The following TAOK3 variants were observed in gnomAD, a reference collection of about 807,000 sequenced individuals.
TAOK3 encodes the protein TAO kinase 3.
In TAOK3, 40 loss-of-function variants were observed where a neutral mutation model predicts 120.4. The observed-to-expected ratio is 0.33, with a 90% CI of 0.26 to 0.43. The LOEUF (loss-of-function observed/expected upper bound fraction) is 0.43, where lower values mean the gene tolerates loss of function less well. Ranked by LOEUF, TAOK3 falls within the 20% of genes least tolerant of loss-of-function variation. The probability of loss-of-function intolerance (pLI) is 1.00; values close to 1 mark genes in which losing one functional copy is unlikely to be tolerated. For missense variants in TAOK3, 821 were observed against 1,112.1 expected (o/e 0.74, Z 3.72); for synonymous variants, 355 against 387.5 (o/e 0.92, Z 0.99).
chr12:118,318,618 T>C (rs981072015), intron 1 of TAOK3, among the ~76,000 whole-genome samples: 1 of 152,052 alleles, frequency 6.6e-6, no homozygotes, highest in Non-Finnish European at 1.5e-5. Flanking sequence ...GGAACCCTTG[T>C]ACACTGTTAG....
chr12:118,201,481 A>C lies in TAOK3; in HGVS notation c.820-18T>G. On this transcript the variant is annotated intron_variant, in intron 11 of 20. Transcript: ENST00000392533. ...AAGTCATGCTGATTGAGGGAGGAGG[A>C]AAAAATAAACTGATAATGAAGAAAT... 6.3e-7 allele frequency: 1 copy of C among 1,593,182 alleles called. No individual in the cohort carries two copies. Among genetic ancestry groups the C allele is most frequent in the South Asian group, 1.1e-5 (1 of 87,994 alleles).
At chr12:118,159,237 G>C (rs545935200) in intron 19 of TAOK3, among the ~76,000 whole-genome samples, 6 of 152,024 alleles carry the variant, frequency 3.9e-5, no homozygotes, top group African/African-American at 1.2e-4. Flanking sequence ...CCTCTAGGAA[G>C]ATTTCCCTAG....
intron 1 of TAOK3, among the ~76,000 whole-genome samples, chr12:118,339,594 C>T (rs1416548212): frequency 6.8e-6 from 1 of 146,586 alleles, no homozygotes; most frequent in African/African-American, 2.5e-5. Flanking sequence ...GAGACGGGGT[C>T]TTACTCTGTC....
intron 13 of TAOK3, among the ~76,000 whole-genome samples, chr12:118,194,846 T>G (rs2037627835): frequency 6.6e-6 from 1 of 152,062 alleles, no homozygotes; most frequent in African/African-American, 2.4e-5. Context: ...CTCCCCAGGT[T>G]TAAGCAATTC....
chr12:118,176,163 C>T (rs1226462457), intron 16 of TAOK3, among the ~76,000 whole-genome samples: 2 of 152,006 alleles, frequency 1.3e-5, no homozygotes, highest in Non-Finnish European at 2.9e-5. Context: ...CCGCATTGCA[C>T]AAGGAGGAGA....
At chr12:118,244,098 AG>A (rs1364803370) in intron 4 of TAOK3, among the ~76,000 whole-genome samples, 2 of 152,182 alleles carry the variant, frequency 1.3e-5, no homozygotes, top group African/African-American at 4.8e-5. Flanking sequence ...TTTCCTTTTC[AG>A]GCACCCAGGC....
chr12:118,274,162 G>A (rs1467806882), intron 1 of TAOK3, among the ~76,000 whole-genome samples: 4 of 151,932 alleles, frequency 2.6e-5, no homozygotes, highest in African/African-American at 7.3e-5. Flanking sequence ...AGCAAATTTT[G>A]TTGTAATTGC....
chr12:118,358,182 ATC>A (rs774441824), intron 1 of TAOK3, among the ~76,000 whole-genome samples: 1 of 152,242 alleles, frequency 6.6e-6, no homozygotes, highest in African/African-American at 2.4e-5. Context: ...AAAAAAAAGT[ATC>A]TGTTTTCCTA....
chr12:118,355,800 G>A (rs1039819963), intron 1 of TAOK3, among the ~76,000 whole-genome samples: 2 of 152,138 alleles, frequency 1.3e-5, no homozygotes, highest in African/African-American at 4.8e-5. Flanking sequence ...CCAAAATTAT[G>A]CTTTTCATAC....
chr12:118,214,450 A>T (rs2038781885), intron 9 of TAOK3, among the ~76,000 whole-genome samples: 1 of 152,186 alleles, frequency 6.6e-6, no homozygotes, highest in South Asian at 2.1e-4. Context: ...TTAGCTCAAA[A>T]ATATATATTC....
chr12:118,343,441 AAAAG>A (rs1426357352), intron 1 of TAOK3, among the ~76,000 whole-genome samples: 1 of 151,630 alleles, frequency 6.6e-6, no homozygotes, highest in Non-Finnish European at 1.5e-5. Flanking sequence ...AAAAAAAAAA[AAAAG>A]AAATTCATGA....
intron 1 of TAOK3, among the ~76,000 whole-genome samples, chr12:118,329,575 T>C (rs2044064582): frequency 6.6e-6 from 1 of 152,186 alleles, no homozygotes; most frequent in African/African-American, 2.4e-5. Context: ...ATATGTCCCA[T>C]ACTTATGGGG....
At chr12:118,290,924 G>C (rs544035802) in intron 1 of TAOK3, among the ~76,000 whole-genome samples, 2 of 148,832 alleles carry the variant, frequency 1.3e-5, no homozygotes, top group East Asian at 3.9e-4. Context: ...GACGGAGTCT[G>C]TTGCCCAGGC....
intron 1 of TAOK3, among the ~76,000 whole-genome samples, chr12:118,333,691 A>G (rs2044244009): frequency 6.6e-6 from 1 of 151,918 alleles, no homozygotes; most frequent in South Asian, 2.1e-4. Flanking sequence ...TGAAATCAAA[A>G]CTAGTTATTT....
At chr12:118,247,367 G>A (rs1361194748) in intron 3 of TAOK3, among the ~76,000 whole-genome samples, 6 of 151,870 alleles carry the variant, frequency 4.0e-5, no homozygotes, top group African/African-American at 1.5e-4. Flanking sequence ...TCATAATTAT[G>A]TCTACTTGTC....
intron 1 of TAOK3, among the ~76,000 whole-genome samples, chr12:118,300,760 T>G (rs1308954977): frequency 6.6e-6 from 1 of 151,678 alleles, no homozygotes; most frequent in Non-Finnish European, 1.5e-5. Flanking sequence ...TCCTTTTTGA[T>G]TTTTTTTTAA....
rs1304687075 is a variant in TAOK3 at position 118,228,150 on chromosome 12, ACT to A, written c.643+5522_643+5523del. 8.3e-5 allele frequency among the ~76,000 whole-genome samples: 12 copies of A among 144,778 alleles called. No homozygotes were observed. The East Asian group carries it at 2.4e-3, about 29-fold the overall frequency. 95.0% of individuals were successfully genotyped at this position (144,778 alleles called of 152,430 possible). On this transcript the variant is annotated intron_variant, in intron 9 of 20. Transcript: ENST00000392533. ...ATTCTTATGTTTTATTAGTATATATACTCTTTTTTTTTTTTTTTTGAGATGGA... is the reference window on the plus strand; with the variant it reads ...ATTCTTATGTTTTATTAGTATATATACTTTTTTTTTTTTTTTTGAGATGGA...
chr12:118,265,394 GA>G (rs35810306), intron 2 of TAOK3, among the ~76,000 whole-genome samples: 24,470 of 68,788 alleles, frequency 0.36, 2,075 homozygotes, highest in Non-Finnish European at 0.37. Context: ...GTCTCAGGAA[GA>G]AAAAAAAAAA....
chr12:118,356,474 AT>A (rs1228085186), intron 1 of TAOK3, among the ~76,000 whole-genome samples: 7 of 151,384 alleles, frequency 4.6e-5, no homozygotes, highest in Non-Finnish European at 2.9e-5. Flanking sequence ...TAATTTTTGT[AT>A]TTTCAGTAGA....
Sources: allele counts gnomAD v4.1 joint callset (sites outside exome capture counted in the v4.1 genomes callset), GRCh38; gene constraint gnomAD v4.1.1; transcripts MANE v1.5; gene names NCBI Gene and HGNC (gene_info 2026-07-23, HGNC 2026-07-21).